The following NAA40 variants were observed in gnomAD, a reference collection of about 807,000 sequenced individuals.
The protein encoded by NAA40 is N-alpha-acetyltransferase 40.
Under a neutral mutation model 36.6 loss-of-function variants are expected in NAA40, and 26 were observed. That is an observed-to-expected ratio of 0.71 (90% CI 0.52 to 0.98). The LOEUF (loss-of-function observed/expected upper bound fraction) is 0.98, where lower values mean the gene tolerates loss of function less well. Ranked by LOEUF, NAA40 falls within the 50% of genes least tolerant of loss-of-function variation. The pLI is 0.00. For synonymous variants in NAA40, 129 were observed against 108.4 expected (o/e 1.19, Z -1.18); for missense variants, 237 against 306.5 (o/e 0.77, Z 1.69).
intron 1 of NAA40, among the ~76,000 whole-genome samples, chr11:63,942,193 C>A (rs572257863): frequency 8.5e-5 from 13 of 152,174 alleles, no homozygotes; most frequent in Admixed American, 2.6e-4. Context: ...AGGAAGAGAC[C>A]GCTTTGAGAA....
At chr11:63,948,046 G>T (rs1326324978) in intron 3 of NAA40, among the ~76,000 whole-genome samples, 1 of 151,380 alleles carries the variant, frequency 6.6e-6, no homozygotes, top group Non-Finnish European at 1.5e-5. Context: ...GTAGAGATGG[G>T]GTTTCACCAT....
In NAA40 at chr11:63,954,068, G is replaced by A. The variant is rs778439755; in HGVS notation, c.572+19G>A. The A allele has an allele frequency of 6.2e-7, 1 of 1,613,186 alleles. No homozygotes were observed. Among genetic ancestry groups the A allele is most frequent in the Non-Finnish European group, 8.5e-7 (1 of 1,179,382 alleles). The stretch of plus-strand genomic sequence containing the variant: ...CGTTGCAGTAAGGAGCTGGGTGTGG[G>A]CCCTTCTGGGTGGTAGGTGGGCCTG... On this transcript the variant is annotated intron_variant, in intron 7 of 7. Coordinates refer to ENST00000377793, the MANE Select transcript of NAA40 (RefSeq NM_024771.4).
chr11:63,952,641 G>T, intron 5 of NAA40, 76 bp downstream of exon 5: 3 of 1,602,806 alleles, frequency 1.9e-6, no homozygotes, highest in Non-Finnish European at 2.6e-6. Flanking sequence ...AGGTGACAAA[G>T]CCCCTGGACC....
chr11:63,952,778 A>C lies in NAA40; in HGVS notation c.433A>C (p.Lys145Gln). 2 of 1,614,132 alleles carry C rather than the reference A, an allele frequency of 1.2e-6. No individual in the cohort carries two copies. The highest frequency in any genetic ancestry group is 1.7e-6 in the Non-Finnish European group (2 of 1,180,034). ...LYCYEVQLESKVRRKGLGKFL... is the reference protein window; with the variant it reads ...LYCYEVQLESQVRRKGLGKFL... The stretch of plus-strand genomic sequence containing the variant: ...TAGCTATGAAGTGCAGTTGGAAAGC[A>C]AGGTGCGGCGGAAAGGCCTGGGGAA... Residue 145 changes from lysine to glutamine, a missense_variant, in exon 6 of 8, where the codon AAG becomes CAG. Lys to Gln is a moderately conservative substitution (Grantham distance 53). Transcript: ENST00000377793.
At chr11:63,946,512 C>T (rs1173219917) in intron 2 of NAA40, 1 of 1,138,612 alleles carries the variant, frequency 8.8e-7, no homozygotes, top group Admixed American at 4.4e-5. Context: ...GCCCCTGCCT[C>T]CATTTAGTAT....
intron 1 of NAA40, chr11:63,939,362 A>T: frequency 1.6e-6 from 2 of 1,223,248 alleles, no homozygotes; most frequent in Non-Finnish European, 2.0e-6. Context: ...TGCTTCGCGG[A>T]CCCGTTACTG....
chr11:63,954,650 C>T lies in NAA40; in HGVS notation c.*171C>T. ...GGAGAAGTGGTATCAGCTGCTCCTC[C>T]TCTCCTAGGAGACCAGAGTGCTAGA... On this transcript the variant is annotated 3_prime_UTR_variant, in exon 8 of 8. Transcript: ENST00000377793. The T allele has an allele frequency of 1.6e-6, 1 of 606,864 alleles. No homozygotes were observed. Among genetic ancestry groups the T allele is most frequent in the Non-Finnish European group, 2.6e-6 (1 of 388,054 alleles). The allele number at this position is 606,864 out of a possible 1,614,324, so 37.6% of individuals were successfully genotyped here.
At chr11:63,951,534 C>T (rs1193309682) in intron 3 of NAA40, among the ~76,000 whole-genome samples, 4 of 152,174 alleles carry the variant, frequency 2.6e-5, no homozygotes, top group Admixed American at 6.6e-5. Context: ...TTAGTACAGA[C>T]GGGATTTCAC....
At chr11:63,946,860 A>G in intron 2 of NAA40, 91 bp from the exon 3 acceptor site, 2 of 1,608,440 alleles carry the variant, frequency 1.2e-6, no homozygotes, top group Non-Finnish European at 1.7e-6. Flanking sequence ...GGGTCCCCAC[A>G]GCATCCCACT....
chr11:63,952,143 A>G, intron 3 of NAA40, 95 bp from the exon 4 acceptor site: 1 of 960,018 alleles, frequency 1.0e-6, no homozygotes, highest in East Asian at 2.4e-5. Context: ...AGTAACTGAG[A>G]CTGGGCCTTC....
intron 1 of NAA40, 49 bp downstream of exon 1, chr11:63,939,151 T>G: frequency 1.3e-6 from 2 of 1,565,412 alleles, no homozygotes; most frequent in Middle Eastern, 1.7e-4. Flanking sequence ...CGCTCCTCGC[T>G]ACCCTCGCCC....
intron 3 of NAA40, among the ~76,000 whole-genome samples, chr11:63,950,129 T>G (rs1942255303): frequency 6.7e-6 from 1 of 150,150 alleles, no homozygotes; most frequent in Non-Finnish European, 1.5e-5. Context: ...TTTGTTTTTT[T>G]TTTTTTTTGA....
intron 1 of NAA40, among the ~76,000 whole-genome samples, chr11:63,942,502 AAG>A (rs769935116): frequency 3.9e-4 from 59 of 152,206 alleles, no homozygotes; most frequent in Non-Finnish European, 6.2e-4. Context: ...TAGTAAGTGA[AAG>A]AGCTGAGAAT....
chr11:63,946,471 C>T (rs1942188714), intron 2 of NAA40: 3 of 1,057,120 alleles, frequency 2.8e-6, no homozygotes, highest in African/African-American at 3.4e-5. Context: ...TCCCAAAGTG[C>T]TGGGATTACA....
In NAA40 at chr11:63,939,029, G is replaced by C. The variant is rs1310459503; in HGVS notation, c.-68G>C. On this transcript the variant is annotated 5_prime_UTR_variant, in exon 1 of 8. Coordinates refer to ENST00000377793, the MANE Select transcript of NAA40 (RefSeq NM_024771.4). The stretch of plus-strand genomic sequence containing the variant: ...CCGCTCTGCTGCCGCCGCTGTTGCA[G>C]CCACCGCCGTTGCCGCCTCCCTGCC... 5 of 1,570,018 alleles carry C rather than the reference G, an allele frequency of 3.2e-6. No individual in the cohort carries two copies. The highest frequency in any genetic ancestry group is 4.3e-6 in the Non-Finnish European group (5 of 1,156,154).
rs750995420 is a variant in NAA40, at chr11:63,946,975, C to G, written c.127C>G (p.Pro43Ala). Residue 43 changes from proline to alanine, a missense_variant, in exon 3 of 8, where the codon CCA becomes GCA. Physicochemically the swap from Pro to Ala is conservative, Grantham distance 27. Transcript: ENST00000377793. ...NRLGDPLEAFPVFKKYDRNGL... is the reference protein window; with the variant it reads ...NRLGDPLEAFAVFKKYDRNGL... ...GCTTGGAGACCCTCTGGAGGCTTTC[C>G]CAGTGTTCAAGAAATATGATAGAAA... 1 of 1,614,144 alleles carries G rather than the reference C, an allele frequency of 6.2e-7. No individual in the cohort carries two copies. Among genetic ancestry groups the G allele is most frequent in the Non-Finnish European group, 8.5e-7 (1 of 1,180,016 alleles).
At chr11:63,952,985 G>C (rs562850235) in intron 6 of NAA40, 146 bp downstream of exon 6, 1 of 546,446 alleles carries the variant, frequency 1.8e-6, no homozygotes, top group East Asian at 3.6e-5. Flanking sequence ...CTCTCAGTAA[G>C]ATGCTCCCTG....
In NAA40 at chr11:63,946,980, G is replaced by A. The variant is rs756725489; in HGVS notation, c.132G>A (p.Val44=). The A allele has an allele frequency of 1.9e-6, 3 of 1,614,144 alleles. No homozygotes were observed. Among genetic ancestry groups the A allele is most frequent in the Non-Finnish European group, 2.5e-6 (3 of 1,180,012 alleles). The change falls in exon 3 of 8, where the codon GTG becomes GTA. Residue 44 remains valine (V), a synonymous_variant. Transcript: ENST00000377793. ...GAGACCCTCTGGAGGCTTTCCCAGT[G>A]TTCAAGAAATATGATAGAAACGGGT... ...RLGDPLEAFP[V]FKKYDRNGLN...
chr11:63,942,523 G>A (rs528264173), intron 1 of NAA40, among the ~76,000 whole-genome samples: 1 of 152,262 alleles, frequency 6.6e-6, no homozygotes, highest in East Asian at 1.9e-4. Context: ...ATCAAATCCA[G>A]GTCTTTTGAT....
Sources: allele counts gnomAD v4.1 joint callset (sites outside exome capture counted in the v4.1 genomes callset), GRCh38; gene constraint gnomAD v4.1.1; transcripts MANE v1.5; gene names NCBI Gene and HGNC (gene_info 2026-07-23, HGNC 2026-07-21).